FAM110B: variants seen among roughly 807,000 people sequenced by gnomAD.
FAM110B encodes the protein family with sequence similarity 110 member B.
Under a neutral mutation model 20.4 loss-of-function variants are expected in FAM110B, and 6 were observed. The observed-to-expected ratio is 0.29, with a 90% CI of 0.16 to 0.58. The LOEUF (loss-of-function observed/expected upper bound fraction) is 0.58, where lower values mean the gene tolerates loss of function less well. Ranked by LOEUF, FAM110B falls within the 20% of genes least tolerant of loss-of-function variation. The pLI is 0.90. For missense variants in FAM110B, 434 were observed against 498.2 expected, an observed-to-expected ratio of 0.87 and a Z score of 1.23; for synonymous variants, 226 against 214.1, an observed-to-expected ratio of 1.06 and a Z score of -0.49.
chr8:58,047,975 T>C (rs1805364188), intron 2 of FAM110B, among the ~76,000 whole-genome samples: 1 of 152,206 alleles, frequency 6.6e-6, no homozygotes, highest in African/African-American at 2.4e-5. Flanking sequence ...AGAAGAGTTA[T>C]TAGCATAAAA....
chr8:58,017,058 A>G (rs1313044988), intron 1 of FAM110B, among the ~76,000 whole-genome samples: 1 of 152,192 alleles, frequency 6.6e-6, no homozygotes, highest in Non-Finnish European at 1.5e-5. Context: ...GCCTAGGGAA[A>G]TGTTTGAGTT....
At chr8:58,128,349 G>C (rs1161779407) in intron 3 of FAM110B, among the ~76,000 whole-genome samples, 1 of 152,062 alleles carries the variant, frequency 6.6e-6, no homozygotes, top group South Asian at 2.1e-4. Context: ...GCCTTCTTTG[G>C]TTTCATCAGG....
At chr8:58,025,719 G>A (rs1482945245) in intron 1 of FAM110B, among the ~76,000 whole-genome samples, 1 of 152,146 alleles carries the variant, frequency 6.6e-6, no homozygotes, top group Non-Finnish European at 1.5e-5. Context: ...GCTGCCAGGT[G>A]TCCCTACCTT....
At chr8:58,131,376 C>A (rs1047810233) in intron 3 of FAM110B, among the ~76,000 whole-genome samples, 3 of 152,098 alleles carry the variant, frequency 2.0e-5, no homozygotes, top group Admixed American at 6.5e-5. Context: ...TCACCTCCCC[C>A]GCAACCCCAT....
At chr8:58,142,418 C>T (rs944366006) in intron 3 of FAM110B, among the ~76,000 whole-genome samples, 3 of 152,152 alleles carry the variant, frequency 2.0e-5, no homozygotes, top group African/African-American at 7.2e-5. Context: ...TGAGAAGCAC[C>T]ACTAGAGTGA....
intron 2 of FAM110B, among the ~76,000 whole-genome samples, chr8:58,055,414 T>G (rs1326687704): frequency 1.3e-5 from 2 of 152,232 alleles, no homozygotes; most frequent in African/African-American, 4.8e-5. Context: ...CTTTTCTATT[T>G]GGGGTTATTT....
At chr8:58,000,279 G>A (rs1804267524) in intron 1 of FAM110B, among the ~76,000 whole-genome samples, 1 of 152,026 alleles carries the variant, frequency 6.6e-6, no homozygotes, top group Admixed American at 6.6e-5. Flanking sequence ...TGAGTATAGG[G>A]GAAGCTGCCA....
chr8:58,097,290 G>A (rs1270766607), intron 3 of FAM110B, among the ~76,000 whole-genome samples: 1 of 152,032 alleles, frequency 6.6e-6, no homozygotes, highest in African/African-American at 2.4e-5. Flanking sequence ...ATTTCATTAA[G>A]TTAAACATCA....
At chr8:58,134,801 A>G (rs965543717) in intron 3 of FAM110B, among the ~76,000 whole-genome samples, 1 of 152,224 alleles carries the variant, frequency 6.6e-6, no homozygotes, top group Non-Finnish European at 1.5e-5. Context: ...AATGAACAGA[A>G]CTCAGTTTAT....
At chr8:58,078,711 C>T (rs1430185454) in intron 3 of FAM110B, among the ~76,000 whole-genome samples, 5 of 151,796 alleles carry the variant, frequency 3.3e-5, no homozygotes, top group South Asian at 2.1e-4. Flanking sequence ...CCACCACGCC[C>T]GGCTAATTTT....
chr8:57,998,977 A>AT (rs1034123426), intron 1 of FAM110B, among the ~76,000 whole-genome samples: 1 of 152,172 alleles, frequency 6.6e-6, no homozygotes, highest in African/African-American at 2.4e-5. Flanking sequence ...CGTTTTTCAC[A>AT]TTTTACAGTT....
chr8:58,072,384 A>G (rs186368394), intron 2 of FAM110B, among the ~76,000 whole-genome samples: 1 of 152,300 alleles, frequency 6.6e-6, no homozygotes, highest in Non-Finnish European at 1.5e-5. Context: ...TTTAAATATG[A>G]ATGTATCTGT....
chr8:58,068,957 A>G (rs548201222), intron 2 of FAM110B, among the ~76,000 whole-genome samples: 5 of 152,346 alleles, frequency 3.3e-5, no homozygotes, highest in African/African-American at 9.6e-5. Context: ...ATCATTAATA[A>G]AAATAATTAG....
intron 2 of FAM110B, among the ~76,000 whole-genome samples, chr8:58,051,362 G>A (rs1429575516): frequency 2.6e-5 from 4 of 152,168 alleles, no homozygotes; most frequent in African/African-American, 4.8e-5. Context: ...GGAGAAGCCA[G>A]AAACAAAAGC....
At chr8:58,128,251 A>G (rs1415016245) in intron 3 of FAM110B, among the ~76,000 whole-genome samples, 1 of 152,130 alleles carries the variant, frequency 6.6e-6, no homozygotes, top group Non-Finnish European at 1.5e-5. Context: ...CAGAGCTAAA[A>G]GACAGGGAAG....
At chr8:58,023,682 T>TA (rs1478213904) in intron 1 of FAM110B, among the ~76,000 whole-genome samples, 1 of 152,212 alleles carries the variant, frequency 6.6e-6, no homozygotes, top group African/African-American at 2.4e-5. Flanking sequence ...AACTTTACTA[T>TA]AAACTCTGTG....
chr8:58,124,973 A>C (rs1807459893), intron 3 of FAM110B, among the ~76,000 whole-genome samples: 2 of 152,178 alleles, frequency 1.3e-5, no homozygotes, highest in African/African-American at 4.8e-5. Context: ...TCAAAATATA[A>C]CTTTAAAGCA....
At chr8:58,092,371 T>C (rs565005219) in intron 3 of FAM110B, among the ~76,000 whole-genome samples, 17 of 152,286 alleles carry the variant, frequency 1.1e-4, no homozygotes, top group African/African-American at 4.1e-4. Flanking sequence ...CATTAGGTAT[T>C]TCTCCTAATG....
intron 2 of FAM110B, among the ~76,000 whole-genome samples, chr8:58,072,065 C>T (rs1211455131): frequency 2.6e-5 from 4 of 152,154 alleles, no homozygotes; most frequent in Non-Finnish European, 5.9e-5. Flanking sequence ...AACCTTTCTG[C>T]GAATCAACAG....
Sources: allele counts gnomAD v4.1 joint callset (sites outside exome capture counted in the v4.1 genomes callset), GRCh38; gene constraint gnomAD v4.1.1; transcripts MANE v1.5; gene names NCBI Gene and HGNC (gene_info 2026-07-23, HGNC 2026-07-21).